The following KIF26B variants were observed in gnomAD, a reference collection of about 807,000 sequenced individuals.
The protein encoded by KIF26B is kinesin family member 26B.
KIF26B carries 63 observed loss-of-function variants against 151.2 expected under a neutral mutation model. That is an observed-to-expected ratio of 0.42 (90% CI 0.34 to 0.51). The LOEUF is 0.51. KIF26B is among the 20% of genes least tolerant of loss of function. KIF26B has a pLI of 0.07. For missense variants in KIF26B, 2,813 were observed against 2,913.6 expected (o/e 0.97, Z 0.79); for synonymous variants, 1,357 against 1,262.1 (o/e 1.08, Z -1.59).
intron 10 of KIF26B, among the ~76,000 whole-genome samples, chr1:245,681,962 G>C (rs2044445035): frequency 6.6e-6 from 1 of 152,226 alleles, no homozygotes; most frequent in South Asian, 2.1e-4. Context: ...ATTGAAATGG[G>C]CCAGATGCAG....
chr1:245,490,819 G>A (rs1249006197), intron 4 of KIF26B, among the ~76,000 whole-genome samples: 2 of 152,182 alleles, frequency 1.3e-5, no homozygotes, highest in Non-Finnish European at 2.9e-5. Flanking sequence ...GAATACCTGA[G>A]AACGGTTCTC....
At chr1:245,492,155 T>A (rs1556873) in intron 4 of KIF26B, among the ~76,000 whole-genome samples, 4,867 of 152,336 alleles carry the variant, frequency 0.032, 129 homozygotes, top group Non-Finnish European at 0.05. Context: ...GCTGTTGTAC[T>A]CTCTGCATCT....
At chr1:245,617,121 A>G (rs569113919) in intron 9 of KIF26B, among the ~76,000 whole-genome samples, 2 of 151,864 alleles carry the variant, frequency 1.3e-5, no homozygotes, top group East Asian at 3.9e-4. Flanking sequence ...TTTAACACTG[A>G]GTCTCGCACT....
chr1:245,664,009 C>CA (rs1553302035), intron 10 of KIF26B, among the ~76,000 whole-genome samples: 1 of 151,904 alleles, frequency 6.6e-6, no homozygotes. Context: ...ACTTCACTTG[C>CA]TTTTTTTTGG....
At chr1:245,313,515 G>A (rs143647377) in intron 2 of KIF26B, among the ~76,000 whole-genome samples, 189 of 152,340 alleles carry the variant, frequency 1.2e-3, no homozygotes, top group Non-Finnish European at 2.2e-3. Flanking sequence ...TGTGTCTTCC[G>A]AGTGTGTAAG....
chr1:245,567,178 A>T (rs1263972940), intron 5 of KIF26B, among the ~76,000 whole-genome samples: 2 of 152,206 alleles, frequency 1.3e-5, no homozygotes, highest in Non-Finnish European at 2.9e-5. Context: ...AGAAATAAGC[A>T]GACCCACAAA....
chr1:245,382,070 C>T (rs1305582233), intron 3 of KIF26B, among the ~76,000 whole-genome samples: 5 of 152,170 alleles, frequency 3.3e-5, no homozygotes, highest in Non-Finnish European at 5.9e-5. Context: ...GCTCTCAATT[C>T]TTTTGGATAT....
chr1:245,588,055 A>G (rs955057371), intron 5 of KIF26B, among the ~76,000 whole-genome samples: 8 of 152,188 alleles, frequency 5.3e-5, no homozygotes, highest in African/African-American at 1.7e-4. Context: ...CCCCTCGGCT[A>G]CAGAGGAAAC....
intron 2 of KIF26B, among the ~76,000 whole-genome samples, chr1:245,169,998 G>GT (rs1668683598): frequency 6.6e-6 from 1 of 152,024 alleles, no homozygotes; most frequent in Non-Finnish European, 1.5e-5. Context: ...TGTTCACTTT[G>GT]TTTTTTGTTT....
At chr1:245,554,786 C>T (rs1041328146) in intron 5 of KIF26B, among the ~76,000 whole-genome samples, 4 of 152,168 alleles carry the variant, frequency 2.6e-5, no homozygotes, top group South Asian at 2.1e-4. Context: ...TCCATTTTAG[C>T]GCTTTGATGT....
At chr1:245,249,771 C>A (rs1670408921) in intron 2 of KIF26B, among the ~76,000 whole-genome samples, 1 of 152,156 alleles carries the variant, frequency 6.6e-6, no homozygotes, top group South Asian at 2.1e-4. Flanking sequence ...GCGTGAGCCA[C>A]TGCATCAAAA....
chr1:245,242,901 T>G (rs577849547), intron 2 of KIF26B, among the ~76,000 whole-genome samples: 3 of 149,008 alleles, frequency 2.0e-5, no homozygotes, highest in African/African-American at 7.7e-5. Flanking sequence ...CTGCCCGCCT[T>G]GGCCTCCCAA....
chr1:245,463,200 G>A (rs932786585), intron 4 of KIF26B, among the ~76,000 whole-genome samples: 3 of 152,186 alleles, frequency 2.0e-5, no homozygotes, highest in Non-Finnish European at 4.4e-5. Context: ...TTCAGCCGTG[G>A]TGCTCAATCT....
At chr1:245,307,779 C>G (rs10924163) in intron 2 of KIF26B, among the ~76,000 whole-genome samples, 37,369 of 148,160 alleles carry the variant, frequency 0.25, 4,748 homozygotes, top group East Asian at 0.43. Context: ...CTCGCTCTGT[C>G]GCCCAGGCTG....
chr1:245,251,485 A>G (rs113132879), intron 2 of KIF26B, among the ~76,000 whole-genome samples: 10 of 152,322 alleles, frequency 6.6e-5, no homozygotes, highest in African/African-American at 2.4e-4. Context: ...ATATCATGCA[A>G]AAAAATCCTT....
chr1:245,259,079 C>T lies in KIF26B; in HGVS notation c.465+102396C>T, dbSNP rs1670588924. On this transcript the variant is annotated intron_variant, in intron 2 of 14. Transcript: ENST00000407071. ...AGATGTTAGACCTCAAGCTGTGCCCCTAGCTGGGTGGGTATGGGAAGTTAC... is the reference window on the plus strand; with the variant it reads ...AGATGTTAGACCTCAAGCTGTGCCCTTAGCTGGGTGGGTATGGGAAGTTAC... Among the ~76,000 whole-genome samples the T allele has an allele frequency of 2.0e-5, 3 of 152,330 alleles. No homozygotes were observed. In the South Asian group the frequency reaches 6.2e-4, roughly 32 times the overall value.
chr1:245,480,449 C>G (rs1297584949), intron 4 of KIF26B, among the ~76,000 whole-genome samples: 2 of 151,588 alleles, frequency 1.3e-5, no homozygotes, highest in Non-Finnish European at 3.0e-5. Context: ...CTTAGGGGTT[C>G]CATGATTCTC....
At chr1:245,529,710 T>C (rs1208259992) in intron 4 of KIF26B, among the ~76,000 whole-genome samples, 1 of 152,144 alleles carries the variant, frequency 6.6e-6, no homozygotes, top group African/African-American at 2.4e-5. Context: ...TAAAAATTGG[T>C]TTATACTATC....
chr1:245,567,487 A>T (rs906731843), intron 5 of KIF26B, among the ~76,000 whole-genome samples: 2 of 152,070 alleles, frequency 1.3e-5, no homozygotes, highest in African/African-American at 4.8e-5. Context: ...GGAGTCGCTG[A>T]ATAGGTCCCA....
Sources: allele counts gnomAD v4.1 joint callset (sites outside exome capture counted in the v4.1 genomes callset), GRCh38; gene constraint gnomAD v4.1.1; transcripts MANE v1.5; gene names NCBI Gene and HGNC (gene_info 2026-07-23, HGNC 2026-07-21).